Variants in SH3TC1 observed in about 807,000 individuals in gnomAD.
SH3TC1 encodes the protein SH3 domain and tetratricopeptide repeats 1.
SH3TC1 carries 135 observed loss-of-function variants against 117.3 expected under a neutral mutation model. The ratio of observed to expected loss-of-function variants is 1.15; its 90% confidence interval spans 1.00 to 1.33. The LOEUF (loss-of-function observed/expected upper bound fraction) is 1.33. Among genes scored for constraint, SH3TC1 ranks in the 40% most tolerant of loss-of-function variants. The pLI, the probability that SH3TC1 is intolerant of heterozygous loss-of-function variation, is 0.00. For missense variants in SH3TC1, 2,092 were observed against 1,794.3 expected (o/e 1.17, Z -3.00); for synonymous variants, 898 against 816.9 (o/e 1.10, Z -1.69).
chr4:8,215,088 G>T (rs1359525648), intron 5 of SH3TC1: 1 of 449,798 alleles, frequency 2.2e-6, no homozygotes, highest in African/African-American at 2.0e-5. Context: ...GTCGTAGACG[G>T]ATGTGGGTCT....
chr4:8,223,698 T>A (rs1244432428), intron 10 of SH3TC1, among the ~76,000 whole-genome samples: 1 of 151,196 alleles, frequency 6.6e-6, no homozygotes, highest in Non-Finnish European at 1.5e-5. Context: ...AGTGGCATGA[T>A]CTCGGCTCAC....
At chr4:8,202,372 T>C (rs1190176026) in intron 1 of SH3TC1, among the ~76,000 whole-genome samples, 1 of 152,208 alleles carries the variant, frequency 6.6e-6, no homozygotes, top group African/African-American at 2.4e-5. Context: ...GAGGCTGTGT[T>C]CTGCGTCCGC....
Position 8,214,576 on chromosome 4 carries a change from T to C in SH3TC1, c.477T>C (p.Ala159=). ...TCTGGAAGTTTTCCACCTACCATGC[T>C]CTCGGTAAAGAGGTGACCCTCCCAG... The part of the protein sequence containing the change: ...EEIWKFSTYH[A]LGFTHHCLAN... The change falls in exon 5 of 18, where the codon GCT becomes GCC. Residue 159 remains alanine, a synonymous_variant. Coordinates refer to ENST00000245105, the MANE Select transcript of SH3TC1 (RefSeq NM_018986.5). 6.2e-7 allele frequency: 1 copy of C among 1,613,690 alleles called. No homozygotes were observed. Among genetic ancestry groups the C allele is most frequent in the Non-Finnish European group, 8.5e-7 (1 of 1,179,806 alleles).
chr4:8,240,935 GC>G lies in SH3TC1; in HGVS notation c.3996del (p.Ser1333AlafsTer43), dbSNP rs761148394. The G allele has an allele frequency of 8.7e-6, 14 of 1,610,952 alleles. No individual in the cohort carries two copies. Among genetic ancestry groups the G allele is most frequent in the Non-Finnish European group, 1.2e-5 (14 of 1,179,972 alleles). ...ACTCTGCGGGTGGGCCCCCTGGTTGGCCCCCAGCCACCCTCGCTGAGGACAG... is the reference window on the plus strand; with the variant it reads ...ACTCTGCGGGTGGGCCCCCTGGTTGGCCCCAGCCACCCTCGCTGAGGACAG... ...LPLCGWAPWL[A>X]PSHPR On this transcript the variant is annotated frameshift_variant, in exon 18 of 18. Coordinates refer to ENST00000245105, the MANE Select transcript of SH3TC1 (RefSeq NM_018986.5). LOFTEE classifies it high-confidence loss of function.
intron 8 of SH3TC1, among the ~76,000 whole-genome samples, chr4:8,218,744 G>A (rs1472623357): frequency 6.6e-6 from 1 of 152,278 alleles, no homozygotes; most frequent in African/African-American, 2.4e-5. Context: ...CTGGGCCGAG[G>A]TGGGCTGGCG....
chr4:8,213,028 AGGGCACTGT>A, intron 4 of SH3TC1, 200 bp downstream of exon 4: 1 of 672,212 alleles, frequency 1.5e-6, no homozygotes, highest in Non-Finnish European at 2.4e-6. Context: ...TGCTTTGTGG[AGGGCACTGT>A]GATCGTCCCT....
rs1038647507 is a variant in SH3TC1 at position 8,232,623 on chromosome 4, C to T, written c.3131+467C>T. ...TCCCTGGGGCAGGGTTTCAAGGTCTCACATCCCACATGTGGCCCACTTGGC... is the reference window on the plus strand; with the variant it reads ...TCCCTGGGGCAGGGTTTCAAGGTCTTACATCCCACATGTGGCCCACTTGGC... On this transcript the variant is annotated intron_variant, in intron 13 of 17. Transcript: ENST00000245105. 8 of 1,320,054 alleles carry T rather than the reference C, an allele frequency of 6.1e-6. No individual in the cohort carries two copies. The Admixed American group carries it at 6.4e-5, about 11-fold the overall frequency. 81.8% of individuals were successfully genotyped at this position (1,320,054 alleles called of 1,614,324 possible).
rs61489879 is a variant in SH3TC1 at position 8,235,250 on chromosome 4, G to A, written c.3283-183G>A. ...GCTGCACAGTCACCTCCTGGCACTC[G>A]GGTGCATGAGATCATTGTCCCCATG... On this transcript the variant is annotated intron_variant, in intron 14 of 17. Transcript: ENST00000245105. 0.036 allele frequency among the ~76,000 whole-genome samples: 5,444 copies of A among 152,312 alleles called. 347 individuals are homozygous for A. Among genetic ancestry groups the A allele is most frequent in the African/African-American group, 0.12 (5,102 of 41,550 alleles).
In SH3TC1 at chr4:8,237,527, C is replaced by G. The variant is rs533791145; in HGVS notation, c.3610C>G (p.Arg1204Gly). 1.9e-6 allele frequency: 3 copies of G among 1,608,142 alleles called. No homozygotes were observed. Among genetic ancestry groups the G allele is most frequent in the East Asian group, 4.5e-5 (2 of 44,614 alleles). ...CCACCGGCTGGCCGCCCTGCAACAC[C>G]GACTGGGCCATGGCGAGCTGGCAGA... ...AYHRLAALQH[R>G]LGHGELAEHF... The change falls in exon 17 of 18, where the codon CGA becomes GGA. Residue 1204 changes from arginine (R) to glycine (G), a missense_variant. Coordinates refer to ENST00000245105, the MANE Select transcript of SH3TC1 (RefSeq NM_018986.5).
At chr4:8,200,652 C>T (rs1251027338) in intron 1 of SH3TC1, among the ~76,000 whole-genome samples, 4 of 152,220 alleles carry the variant, frequency 2.6e-5, no homozygotes, top group African/African-American at 4.8e-5. Flanking sequence ...CGCACGGGTG[C>T]GCCGGTTTCC....
chr4:8,228,521 C>T lies in SH3TC1; in HGVS notation c.2827C>T (p.Arg943Trp), dbSNP rs546783000. The T allele has an allele frequency of 1.2e-4, 199 of 1,611,380 alleles. 2 individuals carry two copies. The South Asian group carries it at 1.7e-3, about 14-fold the overall frequency. ...GAGGCTGCCCCTTGGGGAGTGTGGC[C>T]GGGACTTCACCCACGTGCTCCTGCA... The part of the protein sequence containing the change: ...FSRLPLGECG[R>W]DFTHVLLQLG... The change falls in exon 12 of 18, where the codon CGG becomes TGG. Residue 943 changes from arginine to tryptophan, a missense_variant. Arg to Trp is a moderately radical substitution (Grantham distance 101). Transcript: ENST00000245105.
At chr4:8,198,183 G>T (rs906102514), upstream of SH3TC1, among the ~76,000 whole-genome samples, 8 of 152,314 alleles carry the variant, frequency 5.3e-5, no homozygotes, top group African/African-American at 1.9e-4. Context: ...AAAGCCTTCA[G>T]AACCAGTCAG....
intron 1 of SH3TC1, among the ~76,000 whole-genome samples, chr4:8,200,316 TG>T (rs1275895130): frequency 6.6e-6 from 1 of 152,024 alleles, no homozygotes; most frequent in East Asian, 1.9e-4. Flanking sequence ...GATGGGTATG[TG>T]GGGGCTGGGC....
At position 8,210,060 on chromosome 4, in the gene SH3TC1, G is replaced by A. The variant is rs541639020; in HGVS notation, c.247+238G>A. On this transcript the variant is annotated intron_variant, in intron 3 of 17. Transcript: ENST00000245105. The surrounding 1 kb of genome is among the most constrained non-coding windows in gnomAD (Gnocchi z 4.1). The stretch of plus-strand genomic sequence containing the variant: ...ATCCCTGTGTGCACCTGCACAAACG[G>A]CAGACACGGTCCTGGGGGCTCCGTG... Among the ~76,000 whole-genome samples, 1 of 152,340 alleles carries A rather than the reference G, an allele frequency of 6.6e-6. No homozygotes were observed. Among genetic ancestry groups the A allele is most frequent in the South Asian group, 2.1e-4 (1 of 4,830 alleles).
At chr4:8,211,525 TC>T (rs11339933) in intron 3 of SH3TC1, among the ~76,000 whole-genome samples, 100,603 of 116,128 alleles carry the variant, frequency 0.87, 44,130 homozygotes, top group East Asian at 1. Context: ...CTTCTCCCCT[TC>T]TACTCCTCAT....
At chr4:8,239,598 G>GTGCACACACACAGGCATACACGGA (rs1722154760) in intron 17 of SH3TC1, among the ~76,000 whole-genome samples, 2 of 151,008 alleles carry the variant, frequency 1.3e-5, no homozygotes, top group Non-Finnish European at 3.0e-5. Context: ...ACACAGGCAC[G>GTGCACACACACAGGCATACACGGA]TGCACACACA....
At chr4:8,235,879 C>T in intron 15 of SH3TC1, 1 of 369,410 alleles carries the variant, frequency 2.7e-6, no homozygotes, top group Non-Finnish European at 4.9e-6. Context: ...ACACGGCATG[C>T]CAGTGGGAGG....
chr4:8,209,662 C>G lies in SH3TC1; in HGVS notation c.173-86C>G. On this transcript the variant is annotated intron_variant, in intron 2 of 17. Coordinates refer to ENST00000245105, the MANE Select transcript of SH3TC1 (RefSeq NM_018986.5). This position sits in a 1 kb window ranked among gnomAD's most constrained non-coding sequence, Gnocchi z 5.9. ...GGGACAGAACTCACCTCTTTTCTTG[C>G]AGAGAGACCTGGAGCGTTTGGCGCC... is the stretch of plus-strand genomic sequence containing the variant. 6.3e-7 allele frequency: 1 copy of G among 1,580,480 alleles called. No individual in the cohort carries two copies. Among genetic ancestry groups the G allele is most frequent in the Non-Finnish European group, 8.6e-7 (1 of 1,163,716 alleles).
intron 1 of SH3TC1, 186 bp from the exon 2 acceptor site, chr4:8,204,981 G>A (rs1003515384): frequency 1.7e-5 from 7 of 410,668 alleles, no homozygotes; most frequent in Non-Finnish European, 2.5e-5. Context: ...GAGGGGAGGC[G>A]CAGCAGCGGT....
Sources: allele counts gnomAD v4.1 joint callset (sites outside exome capture counted in the v4.1 genomes callset), GRCh38; gene constraint gnomAD v4.1.1; non-coding constraint Gnocchi (gnomAD v3.1); transcripts MANE v1.5; gene names NCBI Gene and HGNC (gene_info 2026-07-23, HGNC 2026-07-21).